Variants in CCDC138 observed in about 807,000 individuals in gnomAD.
CCDC138 encodes the protein coiled-coil domain-containing protein 138.
In CCDC138, 66 loss-of-function variants were observed where a neutral mutation model predicts 82.3. The ratio of observed to expected loss-of-function variants is 0.80; its 90% confidence interval spans 0.66 to 0.98. CCDC138 has a LOEUF of 0.98. CCDC138 is among the 50% of genes least tolerant of loss of function. The pLI is 0.00. For synonymous variants in CCDC138, 297 were observed against 265.4 expected, an observed-to-expected ratio of 1.12 and a Z score of -1.16; for missense variants, 816 against 758.9, an observed-to-expected ratio of 1.08 and a Z score of -0.88.
At chr2:108,824,879 T>C (rs771886287) in intron 10 of CCDC138, among the ~76,000 whole-genome samples, 16 of 152,166 alleles carry the variant, frequency 1.1e-4, no homozygotes, top group Non-Finnish European at 1.6e-4. Flanking sequence ...TATAATCTCA[T>C]GGGACCAGCA....
intron 7 of CCDC138, among the ~76,000 whole-genome samples, chr2:108,805,442 C>T (rs917152672): frequency 6.6e-6 from 1 of 152,090 alleles, no homozygotes; most frequent in African/African-American, 2.4e-5. Flanking sequence ...ATAAGTATTG[C>T]AGGCCAGGCG....
intron 7 of CCDC138, among the ~76,000 whole-genome samples, chr2:108,806,698 C>T (rs1446693975): frequency 2.0e-5 from 3 of 152,160 alleles, no homozygotes; most frequent in East Asian, 1.9e-4. Flanking sequence ...TTAGCCAGCT[C>T]CTGGCTAGAT....
intron 11 of CCDC138, 70 bp from the exon 12 acceptor site, chr2:108,846,668 C>T: frequency 7.3e-7 from 1 of 1,368,170 alleles, no homozygotes; most frequent in East Asian, 2.4e-5. Flanking sequence ...CAGAGCAAGA[C>T]TGTGTCTCAA....
Position 108,791,750 on chromosome 2 carries a change from T to C in CCDC138, c.342T>C (p.Tyr114=), listed in dbSNP as rs1433965726. The stretch of plus-strand genomic sequence containing the variant: ...AAGAAGAGTTAATTGAAAATGATTA[T>C]AGAGTTAGTACCTCGAAAATAACCA... ...ETEEELIEND[Y]RVSTSKITKQ... Residue 114 remains tyrosine (Y), a synonymous_variant, in exon 4 of 15, where the codon TAT becomes TAC. Transcript: ENST00000295124. 6.9e-6 allele frequency: 11 copies of C among 1,605,562 alleles called. No individual in the cohort carries two copies. Among genetic ancestry groups the C allele is most frequent in the Admixed American group, 1.7e-5 (1 of 59,726 alleles).
intron 10 of CCDC138, among the ~76,000 whole-genome samples, chr2:108,819,579 T>G (rs566923760): frequency 1.3e-5 from 2 of 152,224 alleles, no homozygotes; most frequent in African/African-American, 4.8e-5. Flanking sequence ...CAGCGATAAG[T>G]TGCTAGGGAA....
intron 9 of CCDC138, among the ~76,000 whole-genome samples, chr2:108,815,002 T>C (rs1364537189): frequency 6.6e-6 from 1 of 152,176 alleles, no homozygotes; most frequent in Non-Finnish European, 1.5e-5. Context: ...TAGTGGTATC[T>C]TATTAAAAAA....
chr2:108,791,858 A>C (rs1439166705), intron 4 of CCDC138, 56 bp downstream of exon 4: 2 of 1,490,724 alleles, frequency 1.3e-6, no homozygotes, highest in Non-Finnish European at 1.8e-6. Flanking sequence ...AAGTAGAGTA[A>C]ATGAAGCTTC....
At chr2:108,813,642 G>T (rs1455723928) in intron 9 of CCDC138, among the ~76,000 whole-genome samples, 1 of 151,920 alleles carries the variant, frequency 6.6e-6, no homozygotes, top group Admixed American at 6.6e-5. Context: ...AATTACATAT[G>T]GTAACATAAT....
At chr2:108,844,926 T>A (rs1235203210) in intron 11 of CCDC138, among the ~76,000 whole-genome samples, 1 of 152,148 alleles carries the variant, frequency 6.6e-6, no homozygotes, top group African/African-American at 2.4e-5. Flanking sequence ...TTTTGTATTT[T>A]TAGTAGAGAC....
At chr2:108,839,406 A>G in intron 11 of CCDC138, 105 bp downstream of exon 11, 1 of 945,936 alleles carries the variant, frequency 1.1e-6, no homozygotes, top group South Asian at 2.2e-5. Context: ...GTATTTCAGA[A>G]TAATCTTCCC....
intron 10 of CCDC138, 77 bp from the exon 11 acceptor site, chr2:108,839,108 G>A (rs1384156949): frequency 6.7e-5 from 94 of 1,404,420 alleles, no homozygotes; most frequent in Non-Finnish European, 8.8e-5. Context: ...AGATAATTTT[G>A]GAAAATTGTG....
chr2:108,820,381 GAA>G (rs754886387), intron 10 of CCDC138, among the ~76,000 whole-genome samples: 2 of 152,206 alleles, frequency 1.3e-5, no homozygotes, highest in African/African-American at 2.4e-5. Flanking sequence ...CTTGGAATGA[GAA>G]GAGAGAAGGA....
intron 10 of CCDC138, among the ~76,000 whole-genome samples, chr2:108,821,229 G>A (rs1414399222): frequency 2.0e-5 from 3 of 152,050 alleles, no homozygotes; most frequent in Non-Finnish European, 4.4e-5. Context: ...ATGGTCATAC[G>A]TGCCTGTAAT....
At chr2:108,880,553 T>TA (rs530868823), downstream of CCDC138, among the ~76,000 whole-genome samples, 366 of 152,264 alleles carry the variant, frequency 2.4e-3, 4 homozygotes, top group African/African-American at 8.5e-3. Context: ...ACTCTCTTGT[T>TA]AGAGTTTAAT....
rs373904228 is a variant in CCDC138 at position 108,836,985 on chromosome 2, T to A, written c.1207-2200T>A. ...TGGAATCTTTAGGACTTTCGACATA[T>A]AAGGTCATGCCATCTGAGAAGAGAG... is the stretch of plus-strand genomic sequence containing the variant. On this transcript the variant is annotated intron_variant, in intron 10 of 14. Coordinates refer to ENST00000295124, the MANE Select transcript of CCDC138 (RefSeq NM_144978.3). Among the ~76,000 whole-genome samples, 138 of 152,274 alleles carry A rather than the reference T, an allele frequency of 9.1e-4. 1 individual carries two copies. In the South Asian group the frequency reaches 0.016, roughly 18 times the overall value.
At chr2:108,787,593 T>C (rs766508391) in intron 1 of CCDC138, among the ~76,000 whole-genome samples, 4 of 152,240 alleles carry the variant, frequency 2.6e-5, no homozygotes, top group Non-Finnish European at 5.9e-5. Context: ...AAACCTTTTA[T>C]AGGAAAATTT....
At chr2:108,835,494 G>A (rs1332754892) in intron 10 of CCDC138, among the ~76,000 whole-genome samples, 1 of 152,166 alleles carries the variant, frequency 6.6e-6, no homozygotes, top group East Asian at 1.9e-4. Context: ...ACAGCGATAT[G>A]ATAACACATG....
Position 108,839,309 on chromosome 2 carries a change from G to A in CCDC138, c.1323+8G>A. 6.2e-7 allele frequency: 1 copy of A among 1,603,436 alleles called. No individual in the cohort carries two copies. Among genetic ancestry groups the A allele is most frequent in the Admixed American group, 1.7e-5 (1 of 58,534 alleles). On this transcript the variant is annotated splice_region_variant and intron_variant, in intron 11 of 14. Transcript: ENST00000295124. ...CTAGATGCTGGAGCACAGGTAATTGGTTAATAGGAATTTATCTATAAGTAA... is the reference window on the plus strand; with the variant it reads ...CTAGATGCTGGAGCACAGGTAATTGATTAATAGGAATTTATCTATAAGTAA...
intron 9 of CCDC138, among the ~76,000 whole-genome samples, chr2:108,815,463 T>TTG (rs1339604380): frequency 4.1e-5 from 5 of 121,230 alleles, no homozygotes; most frequent in African/African-American, 1.6e-4. Flanking sequence ...TTTTTGGTGT[T>TTG]TTTTTTTTTT....
Sources: gnomAD v4.1 joint callset for allele counts (sites outside exome capture counted in the v4.1 genomes callset) on GRCh38, gnomAD v4.1.1 for gene constraint, MANE v1.5 for transcripts, NCBI Gene and HGNC (gene_info 2026-07-23, HGNC 2026-07-21) for gene names.